Variants in UGT2B11 observed in about 807,000 individuals in gnomAD.
UGT2B11 encodes the protein UDP-glucuronosyltransferase 2B11.
UGT2B11 carries 49 observed loss-of-function variants against 51.7 expected under a neutral mutation model. That is an observed-to-expected ratio of 0.95 (90% CI 0.75 to 1.20). UGT2B11 has a LOEUF of 1.20. Among genes scored for constraint, UGT2B11 ranks in the 50% most tolerant of loss-of-function variants. UGT2B11 has a pLI of 0.00. For missense variants in UGT2B11, 810 were observed against 622.1 expected (o/e 1.30, Z -3.21); for synonymous variants, 273 against 209.0 (o/e 1.31, Z -2.64).
chr4:69,203,190 A>T (rs1284370393), intron 5 of UGT2B11, among the ~76,000 whole-genome samples: 1 of 151,752 alleles, frequency 6.6e-6, no homozygotes, highest in African/African-American at 2.4e-5. Flanking sequence ...AAAGTTAAAA[A>T]TGTTCCAAGC....
At position 69,204,744 on chromosome 4, in the gene UGT2B11, C is replaced by G. The variant is rs1721786823; in HGVS notation, c.1091-95G>C. 5.1e-6 allele frequency: 8 copies of G among 1,573,918 alleles called. No individual in the cohort carries two copies. The South Asian group carries it at 9.1e-5, about 18-fold the overall frequency. On this transcript the variant is annotated intron_variant, in intron 4 of 5. Coordinates refer to ENST00000446444, the MANE Select transcript of UGT2B11 (RefSeq NM_001073.3). ...AAGTGACAGTGTTTTCTAGATAACACATTGAACTAATTTGCTATTACTTTT... is the reference window on the plus strand; with the variant it reads ...AAGTGACAGTGTTTTCTAGATAACAGATTGAACTAATTTGCTATTACTTTT...
At position 69,214,406 on chromosome 4, in the gene UGT2B11, C is replaced by G. The variant is rs565118609; in HGVS notation, c.317G>C (p.Trp106Ser). The G allele has an allele frequency of 1.2e-6, 2 of 1,612,836 alleles. No homozygotes were observed. The highest frequency in any genetic ancestry group is 1.7e-6 in the Non-Finnish European group (2 of 1,179,406). Residue 106 changes from tryptophan to serine, a missense_variant, in exon 1 of 6, where the codon TGG (tryptophan) becomes TCG (serine). Physicochemically the swap from Trp to Ser is radical, Grantham distance 177. Transcript: ENST00000446444. Reference protein sequence around the residue: ...RWSDIRKDSFWLYFSQEQEIL... With the variant: ...RWSDIRKDSFSLYFSQEQEIL... ...TTCTTGTTCTTGTGAAAAATATAAC[C>G]AAAAGCTATCTTTTCGAATGTCTGA...
chr4:69,200,797 T>G, intron 5 of UGT2B11, 78 bp from the exon 6 acceptor site: 1 of 1,394,660 alleles, frequency 7.2e-7, no homozygotes, highest in Non-Finnish European at 9.5e-7. Context: ...GAAAGGCTTT[T>G]AAAGCATCAA....
chr4:69,202,639 C>A (rs932066201), intron 5 of UGT2B11, among the ~76,000 whole-genome samples: 1 of 151,608 alleles, frequency 6.6e-6, no homozygotes, highest in African/African-American at 2.4e-5. Context: ...TGTAAGACTC[C>A]ATTTGTTAAT....
At chr4:69,203,368 C>T in intron 5 of UGT2B11, among the ~76,000 whole-genome samples, 1 of 151,732 alleles carries the variant, frequency 6.6e-6, no homozygotes, top group African/African-American at 2.4e-5. Flanking sequence ...GGTCTGGCAA[C>T]AATGTGGAGG....
the UGT2B11 span, among the ~76,000 whole-genome samples, chr4:69,224,063 G>A: frequency 2.0e-5 from 3 of 152,186 alleles, no homozygotes; most frequent in Middle Eastern, 3.2e-3. Flanking sequence ...CTTCAAAATG[G>A]CCATGGAACG....
chr4:69,204,218 A>C, intron 5 of UGT2B11: 1 of 544,934 alleles, frequency 1.8e-6, no homozygotes, highest in East Asian at 3.5e-5. Context: ...TGTTTAGAAA[A>C]TTGCTTCACT....
rs373905889 is a variant in UGT2B11 at position 69,213,971 on chromosome 4, T to A, written c.721+31A>T. The A allele has an allele frequency of 5.9e-6, 9 of 1,526,720 alleles. No individual in the cohort carries two copies. In the African/African-American group the frequency reaches 1.1e-4, roughly 19 times the overall value. The allele number at this position is 1,526,720 out of a possible 1,614,324, so 94.6% of individuals were successfully genotyped here. A position where few individuals can be genotyped will look rare whatever the true frequency, so the allele number is the denominator to read the frequency against. Reference sequence around the variant, plus strand: ...GCTTCAAAGACACAAATAAGTTAGATCTTCACGTTACCGATTAAACAAATT... The same window carrying A: ...GCTTCAAAGACACAAATAAGTTAGAACTTCACGTTACCGATTAAACAAATT... On this transcript the variant is annotated intron_variant, in intron 1 of 5. Transcript: ENST00000446444.
chr4:69,200,535 C>A lies in UGT2B11; in HGVS notation c.1495G>T (p.Ala499Ser), dbSNP rs754716978. ...HSLDVIGFLL[A>S]CVATVIFIIT... ...ATAAATATCACAGTTGCCACACAGG[C>A]CAGCAGAAACCCAATCACATCCAAA... The change falls in exon 6 of 6, where the codon GCC (alanine) becomes TCC (serine). Residue 499 changes from alanine (A) to serine (S), a missense_variant. Ala to Ser is a moderately conservative substitution (Grantham distance 99). Coordinates refer to ENST00000446444, the MANE Select transcript of UGT2B11 (RefSeq NM_001073.3). 5 of 1,612,264 alleles carry A rather than the reference C, an allele frequency of 3.1e-6. No homozygotes were observed. Among genetic ancestry groups the A allele is most frequent in the Admixed American group, 1.7e-5 (1 of 59,828 alleles).
At chr4:69,216,827 A>G (rs1722286644), upstream of UGT2B11, 1 of 152,116 alleles carries the variant, frequency 6.6e-6, no homozygotes, top group South Asian at 2.1e-4. Flanking sequence ...GGCTGTCTCC[A>G]GAACAAGAGA....
At position 69,205,498 on chromosome 4, in the gene UGT2B11, G is replaced by A. The variant is rs72551397; in HGVS notation, c.1072C>T (p.Pro358Ser). ...GTGTTACCTAGAAGGTCATTCTGGGGTATCCACTTGTACAGCCGAGTATTG... is the reference window on the plus strand; with the variant it reads ...GTGTTACCTAGAAGGTCATTCTGGGATATCCACTTGTACAGCCGAGTATTG... Reference protein sequence around the residue: ...GLNTRLYKWIPQNDLLGHPKT... With the variant: ...GLNTRLYKWISQNDLLGHPKT... The change falls in exon 4 of 6, where the codon CCC (proline) becomes TCC (serine). Residue 358 changes from proline (P) to serine (S), a missense_variant. Pro to Ser is a moderately conservative substitution (Grantham distance 74, BLOSUM62 -1). Coordinates refer to ENST00000446444, the MANE Select transcript of UGT2B11 (RefSeq NM_001073.3). 36,725 of 1,610,006 alleles carry A rather than the reference G, an allele frequency of 0.023. 517 individuals carry two copies. The highest frequency in any genetic ancestry group is 0.031 in the Middle Eastern group (182 of 5,938).
upstream of UGT2B11, among the ~76,000 whole-genome samples, chr4:69,219,161 A>G (rs1722346776): frequency 2.6e-5 from 4 of 152,026 alleles, no homozygotes; most frequent in South Asian, 8.3e-4. Flanking sequence ...TGAAAAAAAA[A>G]ACCTGGTGTT....
rs532343568 is a variant in UGT2B11, at chr4:69,211,522, A to G, written c.870+1051T>C. Among the ~76,000 whole-genome samples, 15 of 151,758 alleles carry G rather than the reference A, an allele frequency of 9.9e-5. No individual in the cohort carries two copies. The South Asian group carries it at 1.9e-3, about 19-fold the overall frequency. On this transcript the variant is annotated intron_variant, in intron 2 of 5. Coordinates refer to ENST00000446444, the MANE Select transcript of UGT2B11 (RefSeq NM_001073.3). ...TAAGTAGTTAGTAGTATTAGTAATAATCACAAAATAACCATAATTACAAAA... is the reference window on the plus strand; with the variant it reads ...TAAGTAGTTAGTAGTATTAGTAATAGTCACAAAATAACCATAATTACAAAA...
intron 5 of UGT2B11, among the ~76,000 whole-genome samples, chr4:69,202,947 A>T (rs1721712342): frequency 6.6e-6 from 1 of 151,642 alleles, no homozygotes; most frequent in African/African-American, 2.4e-5. Context: ...TAAATGCTGA[A>T]TTGATGGTAG....
At chr4:69,214,991 T>G (rs1722221354), upstream of UGT2B11, 1 of 402,686 alleles carries the variant, frequency 2.5e-6, no homozygotes, top group Non-Finnish European at 4.3e-6. Context: ...TGTAACCTAC[T>G]TTATAATAGT....
chr4:69,218,081 A>C (rs867345801), upstream of UGT2B11, among the ~76,000 whole-genome samples: 9 of 152,258 alleles, frequency 5.9e-5, no homozygotes, highest in South Asian at 1.9e-3. Context: ...AAACATTCAA[A>C]CCATTGAATT....
At chr4:69,212,536 G>A (rs1012331412) in intron 2 of UGT2B11, 37 bp downstream of exon 2, 17 of 1,589,190 alleles carry the variant, frequency 1.1e-5, no homozygotes, top group African/African-American at 1.4e-5. Context: ...CTGAAACTTC[G>A]AAGCCAACAA....
At position 69,200,606 on chromosome 4, in the gene UGT2B11, T is replaced by C. The variant is rs1238283776; in HGVS notation, c.1424A>G (p.His475Arg). ...GAGGTCATGGGCTGCAACTCGAAGG[T>C]GTTTGGCTCCTTTGTGGGGCATGAC... ...EFVMPHKGAK[H>R]LRVAAHDLTW... Residue 475 changes from histidine to arginine, a missense_variant, in exon 6 of 6, where the codon CAC becomes CGC. By Grantham distance (29) the His-to-Arg change is conservative. Transcript: ENST00000446444. The C allele has an allele frequency of 1.9e-6, 3 of 1,612,448 alleles. No individual in the cohort carries two copies. The highest frequency in any genetic ancestry group is 2.5e-6 in the Non-Finnish European group (3 of 1,178,976).
At chr4:69,208,598 TTAA>T (rs1464346205) in intron 2 of UGT2B11, 116 bp from the exon 3 acceptor site, 1 of 1,508,086 alleles carries the variant, frequency 6.6e-7, no homozygotes, top group Non-Finnish European at 8.9e-7. Flanking sequence ...ATTATTGGAA[TTAA>T]TAATATTTTT....
Sources: gnomAD v4.1 joint callset for allele counts (sites outside exome capture counted in the v4.1 genomes callset) on GRCh38, gnomAD v4.1.1 for gene constraint, MANE v1.5 for transcripts, NCBI Gene and HGNC (gene_info 2026-07-23, HGNC 2026-07-21) for gene names.